The following SPATA31A6 variants were observed in gnomAD, a reference collection of about 807,000 sequenced individuals.
The protein encoded by SPATA31A6 is SPATA31 subfamily A member 6.
SPATA31A6 carries 9 observed loss-of-function variants against 11.9 expected under a neutral mutation model. The observed-to-expected ratio is 0.76, with a 90% confidence interval of 0.46 to 1.32. The LOEUF (loss-of-function observed/expected upper bound fraction) is 1.32, where lower values mean the gene tolerates loss of function less well. Ranked by LOEUF, SPATA31A6 falls within the 40% of genes most tolerant of loss-of-function variation. The pLI, the probability that SPATA31A6 is intolerant of heterozygous loss-of-function variation, is 0.00. For synonymous variants in SPATA31A6, 314 were observed against 572.1 expected (o/e 0.55, Z 6.44); for missense variants, 855 against 1,467.3 (o/e 0.58, Z 6.82).
chr9:42,186,821 G>A lies in SPATA31A6; in HGVS notation c.1119G>A (p.Glu373=), dbSNP rs767516834. Reference sequence around the variant, plus strand: ...ATTTGGCTAAATCATTGGATGCTGAGCAGGACACCACAAACCCAAAACCCT... The same window carrying A: ...ATTTGGCTAAATCATTGGATGCTGAACAGGACACCACAAACCCAAAACCCT... ...LGNLAKSLDA[E]QDTTNPKPFW... is the part of the protein sequence containing the mutation. The change falls in exon 4 of 4, where the codon GAG becomes GAA. Residue 373 remains glutamate (E), a synonymous_variant. Coordinates refer to ENST00000332857, the MANE Select transcript of SPATA31A6 (RefSeq NM_001145196.1). 172 of 1,534,896 alleles carry A rather than the reference G, an allele frequency of 1.1e-4. 21 individuals are homozygous for A. The Middle Eastern group carries it at 1.4e-3, about 12-fold the overall frequency.
Position 42,186,798 on chromosome 9 carries a change from T to C in SPATA31A6, c.1096T>C (p.Leu366=). ...AAAGCACTTAAATTCTTTGGGGAAT[T>C]TGGCTAAATCATTGGATGCTGAGCA... ...PEKHLNSLGN[L]AKSLDAEQDT... Residue 366 remains leucine (L), a synonymous_variant, in exon 4 of 4, where the codon TTG becomes CTG. Transcript: ENST00000332857. 1 of 1,533,242 alleles carries C rather than the reference T, an allele frequency of 6.5e-7. No homozygotes were observed. The highest frequency in any genetic ancestry group is 1.1e-5 in the South Asian group (1 of 87,388). The allele number at this position is 1,533,242 out of a possible 1,614,324, so 95.0% of individuals were successfully genotyped here. A position where few individuals can be genotyped will look rare whatever the true frequency, so the allele number is the denominator to read the frequency against.
chr9:42,186,941 C>T lies in SPATA31A6; in HGVS notation c.1239C>T (p.Ser413=), dbSNP rs1829465383. Residue 413 remains serine (S), a synonymous_variant, in exon 4 of 4, where the codon AGC becomes AGT. Coordinates refer to ENST00000332857, the MANE Select transcript of SPATA31A6 (RefSeq NM_001145196.1). ...AGGAAAGTTTTTGGAAGAATTATAG[C>T]CAGCTTTTCTGGGGCCTCCCCTCTC... ...LLQESFWKNY[S]QLFWGLPSLH... is the part of the protein sequence containing the mutation. 5 of 1,542,352 alleles carry T rather than the reference C, an allele frequency of 3.2e-6. 1 individual carries two copies. In the Admixed American group the frequency reaches 5.2e-5, roughly 16 times the overall value.
chr9:42,184,708 T>C, intron 1 of SPATA31A6, among the ~76,000 whole-genome samples: 1 of 135,114 alleles, frequency 7.4e-6, no homozygotes, highest in East Asian at 2.2e-4. Context: ...TTTTTGTATT[T>C]TTAGTAGAGA....
chr9:42,183,852 C>A lies in SPATA31A6; in HGVS notation c.165C>A (p.Pro55=). ...YLSYFHCDDP[P]SPSPGKRKCP... ...CTTACTTCCATTGTGATGACCCACC[C>A]TCACCATCGCCTGGGAAGAGAAAGG... The change falls in exon 1 of 4, where the codon CCC becomes CCA. Residue 55 remains proline (P), a synonymous_variant. Transcript: ENST00000332857. 6.5e-7 allele frequency: 1 copy of A among 1,532,496 alleles called. No individual in the cohort carries two copies. 94.9% of individuals were successfully genotyped at this position (1,532,496 alleles called of 1,614,324 possible). A position where few individuals can be genotyped will look rare whatever the true frequency, so the allele number is the denominator to read the frequency against.
In SPATA31A6 at chr9:42,183,895, C is replaced by T. The variant is rs534865957; in HGVS notation, c.189+19C>T. ...GAGAAAGGTAAGGAACCCTCAGTCCCGACCCACAGAGCTTGATTCTCTCCT... is the reference window on the plus strand; with the variant it reads ...GAGAAAGGTAAGGAACCCTCAGTCCTGACCCACAGAGCTTGATTCTCTCCT... On this transcript the variant is annotated intron_variant, in intron 1 of 3. Transcript: ENST00000332857. 3.9e-4 allele frequency: 597 copies of T among 1,528,272 alleles called. 97 individuals are homozygous for T. Among genetic ancestry groups the T allele is most frequent in the Middle Eastern group, 9.4e-4 (4 of 4,242 alleles). The allele number at this position is 1,528,272 out of a possible 1,614,324, so 94.7% of individuals were successfully genotyped here.
intron 1 of SPATA31A6, among the ~76,000 whole-genome samples, chr9:42,184,377 T>A (rs1428481723): frequency 2.3e-5 from 3 of 131,714 alleles, no homozygotes; most frequent in African/African-American, 9.3e-5. Flanking sequence ...AACTTGGGTG[T>A]TCCTGGAGCA....
rs941007077 is a variant in SPATA31A6, at chr9:42,185,006, G to A, written c.190-63G>A. The A allele has an allele frequency of 1.7e-4, 257 of 1,507,768 alleles. 42 individuals carry two copies. Among genetic ancestry groups the A allele is most frequent in the Admixed American group, 3.4e-4 (19 of 55,838 alleles). 93.4% of individuals were successfully genotyped at this position (1,507,768 alleles called of 1,614,324 possible). ...CAGTCCTAGCTTCTCGCCCTTTCTT[G>A]TCTCCCATTGTCATCTTGTCTCTCC... On this transcript the variant is annotated intron_variant, in intron 1 of 3. Transcript: ENST00000332857.
Position 42,186,971 on chromosome 9 carries a change from C to G in SPATA31A6, c.1269C>G (p.His423Gln). Reference protein sequence around the residue: ...SQLFWGLPSLHSESLVANAWV... With the variant: ...SQLFWGLPSLQSESLVANAWV... ...TTTTCTGGGGCCTCCCCTCTCTGCA[C>G]AGCGAGTCCCTGGTGGCTAACGCCT... The change falls in exon 4 of 4, where the codon CAC becomes CAG. Residue 423 changes from histidine (H) to glutamine (Q), a missense_variant. By Grantham distance (24) the His-to-Gln change is conservative. Transcript: ENST00000332857. The G allele has an allele frequency of 6.5e-7, 1 of 1,544,960 alleles. No homozygotes were observed. The highest frequency in any genetic ancestry group is 8.8e-7 in the Non-Finnish European group (1 of 1,142,116).
At position 42,189,258 on chromosome 9, in the gene SPATA31A6, C is replaced by A. The variant is rs776324733; in HGVS notation, c.3556C>A (p.Gln1186Lys). ...GCCAGCACCAGTCACTGCTGAGAGC[C>A]AAAAAACAGTAAAAAACAGATCATG... is the stretch of plus-strand genomic sequence containing the variant. ...SKPAPVTAES[Q>K]KTVKNRSCVY... Residue 1186 changes from glutamine (Q) to lysine (K), a missense_variant, in exon 4 of 4, where the codon CAA becomes AAA. Physicochemically the swap from Gln to Lys is moderately conservative, Grantham distance 53. Coordinates refer to ENST00000332857, the MANE Select transcript of SPATA31A6 (RefSeq NM_001145196.1). The A allele has an allele frequency of 2.6e-6, 4 of 1,559,164 alleles. 1 individual carries two copies. Among genetic ancestry groups the A allele is most frequent in the Non-Finnish European group, 3.5e-6 (4 of 1,150,314 alleles).
Position 42,185,611 on chromosome 9 carries a change from C to A in SPATA31A6, c.248-84C>A, listed in dbSNP as rs1250711551. The stretch of plus-strand genomic sequence containing the variant: ...GGTCCAGGGTCTAATTCCCCATGGT[C>A]CTCCCTAAAGAAACAGCCACTCAGC... On this transcript the variant is annotated intron_variant, in intron 2 of 3. Transcript: ENST00000332857. 39 of 1,337,442 alleles carry A rather than the reference C, an allele frequency of 2.9e-5. 6 individuals are homozygous for A. The Middle Eastern group carries it at 1.5e-3, about 53-fold the overall frequency. 82.8% of individuals were successfully genotyped at this position (1,337,442 alleles called of 1,614,324 possible).
Position 42,187,374 on chromosome 9 carries a change from G to A in SPATA31A6, c.1672G>A (p.Val558Ile), listed in dbSNP as rs200385154. 5.9e-6 allele frequency: 9 copies of A among 1,534,382 alleles called. 2 individuals carry two copies. The highest frequency in any genetic ancestry group is 7.9e-6 in the Non-Finnish European group (9 of 1,136,102). ...LEGRLALPSR[V>I]QKSQDVFSVS... ...AGGTAGGTTGGCTTTACCCTCTAGG[G>A]TCCAAAAATCTCAGGACGTCTTTAG... is the stretch of plus-strand genomic sequence containing the variant. Residue 558 changes from valine to isoleucine, a missense_variant, in exon 4 of 4, where the codon GTC (valine) becomes ATC (isoleucine). Val to Ile is a conservative substitution (Grantham distance 29). Coordinates refer to ENST00000332857, the MANE Select transcript of SPATA31A6 (RefSeq NM_001145196.1).
chr9:42,187,078 A>C lies in SPATA31A6; in HGVS notation c.1376A>C (p.Glu459Ala), dbSNP rs769053692. 1.3e-6 allele frequency: 2 copies of C among 1,544,434 alleles called. 1 individual carries two copies. The highest frequency in any genetic ancestry group is 3.1e-5 in the African/African-American group (2 of 65,128). The change falls in exon 4 of 4, where the codon GAG becomes GCG. Residue 459 changes from glutamate (E) to alanine (A), a missense_variant. By Grantham distance (107) the Glu-to-Ala change is moderately radical. Transcript: ENST00000332857. ...TCCAATGTCTGCCCAATTCAAAGGGAGACTACAATGTCCCCACTGCTTTTC... is the reference window on the plus strand; with the variant it reads ...TCCAATGTCTGCCCAATTCAAAGGGCGACTACAATGTCCCCACTGCTTTTC... ...EMSNVCPIQRETTMSPLLFQA... is the reference protein window; with the variant it reads ...EMSNVCPIQRATTMSPLLFQA...
Position 42,187,088 on chromosome 9 carries a change from G to A in SPATA31A6, c.1386G>A (p.Met462Ile), listed in dbSNP as rs745969363. ...NVCPIQRETT[M>I]SPLLFQAQPL... The stretch of plus-strand genomic sequence containing the variant: ...GCCCAATTCAAAGGGAGACTACAAT[G>A]TCCCCACTGCTTTTCCAGGCCCAGC... Residue 462 changes from methionine (M) to isoleucine (I), a missense_variant, in exon 4 of 4, where the codon ATG becomes ATA. Physicochemically the swap from Met to Ile is conservative, Grantham distance 10. Transcript: ENST00000332857. 15 of 1,543,442 alleles carry A rather than the reference G, an allele frequency of 9.7e-6. 3 individuals carry two copies. The South Asian group carries it at 1.7e-4, about 18-fold the overall frequency.
chr9:42,189,054 G>A lies in SPATA31A6; in HGVS notation c.3352G>A (p.Glu1118Lys), dbSNP rs1471938245. The A allele has an allele frequency of 1.9e-5, 29 of 1,555,306 alleles. 4 individuals are homozygous for A. In the Middle Eastern group the frequency reaches 1.6e-3, roughly 87 times the overall value. The change falls in exon 4 of 4, where the codon GAA becomes AAA. Residue 1118 changes from glutamate to lysine, a missense_variant. Transcript: ENST00000332857. ...TAGGAAGCCCAACTTAGAAAAACAT[G>A]AAGAAAGGCTTGAAGGATTGAGGAC... ...KSRKPNLEKH[E>K]ERLEGLRTPQ...
rs747803857 is a variant in SPATA31A6 at position 42,183,675 on chromosome 9, C to A, written c.-13C>A. The A allele has an allele frequency of 3.9e-6, 6 of 1,527,272 alleles. 2 individuals carry two copies. In the East Asian group the frequency reaches 7.3e-5, roughly 18 times the overall value. 94.6% of individuals were successfully genotyped at this position (1,527,272 alleles called of 1,614,324 possible). ...CCAGAGCTCAGTTGCTTGAAAGCAA[C>A]GTGCCTATTCACATGGAGAATCTTC... is the stretch of plus-strand genomic sequence containing the variant. On this transcript the variant is annotated 5_prime_UTR_variant, in exon 1 of 4. Coordinates refer to ENST00000332857, the MANE Select transcript of SPATA31A6 (RefSeq NM_001145196.1).
chr9:42,188,853 C>G lies in SPATA31A6; in HGVS notation c.3151C>G (p.Gln1051Glu). The G allele has an allele frequency of 1.9e-6, 3 of 1,554,796 alleles. No individual in the cohort carries two copies. The highest frequency in any genetic ancestry group is 2.6e-6 in the Non-Finnish European group (3 of 1,149,122). The change falls in exon 4 of 4, where the codon CAG becomes GAG. Residue 1051 changes from glutamine to glutamate, a missense_variant. Physicochemically the swap from Gln to Glu is conservative, Grantham distance 29. Coordinates refer to ENST00000332857, the MANE Select transcript of SPATA31A6 (RefSeq NM_001145196.1). ...ASENLVSQVP[Q>E]GHLQSMPTGN... ...AGAGAATTTGGTTTCTCAAGTGCCC[C>G]AGGGCCATCTCCAGAGCATGCCTAC...
At position 42,184,961 on chromosome 9, in the gene SPATA31A6, C is replaced by T. The variant is rs1829417776; in HGVS notation, c.190-108C>T. ...CTGAGTGCAGCATGCTGCGGCTGGG[C>T]TGGAGCAGAGAGGGAGAGCCAGTCC... On this transcript the variant is annotated intron_variant, in intron 1 of 3. Transcript: ENST00000332857. The T allele has an allele frequency of 5.0e-6, 7 of 1,392,920 alleles. 1 individual carries two copies. In the Admixed American group the frequency reaches 7.4e-5, roughly 15 times the overall value. The allele number at this position is 1,392,920 out of a possible 1,614,324, so 86.3% of individuals were successfully genotyped here.
Position 42,184,571 on chromosome 9 carries a change from G to A in SPATA31A6, c.190-498G>A, listed in dbSNP as rs143567461. Among the ~76,000 whole-genome samples the A allele has an allele frequency of 1.6e-4, 21 of 131,016 alleles. 4 individuals carry two copies. In the East Asian group the frequency reaches 2.3e-3, roughly 14 times the overall value. 86.0% of individuals were successfully genotyped at this position (131,016 alleles called of 152,430 possible). On this transcript the variant is annotated intron_variant, in intron 1 of 3. Transcript: ENST00000332857. The stretch of plus-strand genomic sequence containing the variant: ...TTGAGATGGAGTCTCGCTCTGTGAC[G>A]CAGGTTGCAGTGAAATGGAGTGATA...
Position 42,188,850 on chromosome 9 carries a change from C to G in SPATA31A6, c.3148C>G (p.Pro1050Ala). Reference protein sequence around the residue: ...HASENLVSQVPQGHLQSMPTG... With the variant: ...HASENLVSQVAQGHLQSMPTG... The stretch of plus-strand genomic sequence containing the variant: ...TTCAGAGAATTTGGTTTCTCAAGTG[C>G]CCCAGGGCCATCTCCAGAGCATGCC... Residue 1050 changes from proline to alanine, a missense_variant, in exon 4 of 4, where the codon CCC (proline) becomes GCC (alanine). Coordinates refer to ENST00000332857, the MANE Select transcript of SPATA31A6 (RefSeq NM_001145196.1). The G allele has an allele frequency of 6.4e-7, 1 of 1,553,832 alleles. No individual in the cohort carries two copies. The highest frequency in any genetic ancestry group is 8.7e-7 in the Non-Finnish European group (1 of 1,148,758).
Sources: gnomAD v4.1 joint callset for allele counts (sites outside exome capture counted in the v4.1 genomes callset) on GRCh38, gnomAD v4.1.1 for gene constraint, MANE v1.5 for transcripts, NCBI Gene and HGNC (gene_info 2026-07-23, HGNC 2026-07-21) for gene names.